ADPRHL1: variants seen among roughly 807,000 people sequenced by gnomAD.
ADPRHL1 encodes the protein inactive ADP-ribosyltransferase ARH2.
Under a neutral mutation model 44.1 loss-of-function variants are expected in ADPRHL1, and 43 were observed. That is an observed-to-expected ratio of 0.98 (90% CI 0.76 to 1.26). The LOEUF is 1.26. Ranked by LOEUF, ADPRHL1 falls within the 50% of genes most tolerant of loss-of-function variation. The pLI, the probability that ADPRHL1 is intolerant of heterozygous loss-of-function variation, is 0.00. For missense variants in ADPRHL1, 2,022 were observed against 2,496.9 expected (o/e 0.81, Z 4.05); for synonymous variants, 878 against 1,017.4 (o/e 0.86, Z 2.61).
intron 5 of ADPRHL1, 129 bp downstream of exon 5, chr13:113,424,923 A>AATCCATCTATCC (rs139207906): frequency 8.9e-7 from 1 of 1,125,980 alleles, no homozygotes; most frequent in Non-Finnish European, 1.2e-6. Context: ...CATCATCCAA[A>AATCCATCTATCC]ATCCATCTAT....
In ADPRHL1 at chr13:113,406,087, C is replaced by T. The variant is rs1029215734; in HGVS notation, c.3195G>A (p.Ala1065=). ...GCAGCGGCCTTCTGCATTCCTCCAG[C>T]GCACCGGGCACTGTCATGCCCATCG... ...VTPMGMTVPG[A]LEECRRPLLI... The change falls in exon 8 of 8, where the codon GCG becomes GCA. Residue 1065 remains alanine, a synonymous_variant. Transcript: ENST00000612156. 53 of 1,232,076 alleles carry T rather than the reference C, an allele frequency of 4.3e-5. No homozygotes were observed. In the African/African-American group the frequency reaches 4.7e-4, roughly 11 times the overall value. 76.3% of individuals were successfully genotyped at this position (1,232,076 alleles called of 1,614,324 possible). A position where few individuals can be genotyped will look rare whatever the true frequency, so the allele number is the denominator to read the frequency against.
chr13:113,427,270 C>T (rs1239253473), intron 4 of ADPRHL1, among the ~76,000 whole-genome samples: 1 of 152,244 alleles, frequency 6.6e-6, no homozygotes, highest in Non-Finnish European at 1.5e-5. Context: ...CGTTAATATA[C>T]TGTGAATTCA....
intron 3 of ADPRHL1, among the ~76,000 whole-genome samples, chr13:113,432,564 T>C (rs2044014591): frequency 6.6e-6 from 1 of 152,232 alleles, no homozygotes; most frequent in Admixed American, 6.5e-5. Flanking sequence ...CCCTCTTTCA[T>C]TTTAACGAGT....
At chr13:113,446,524 C>T (rs553854336) in intron 1 of ADPRHL1, among the ~76,000 whole-genome samples, 9 of 151,112 alleles carry the variant, frequency 6.0e-5, no homozygotes, top group Non-Finnish European at 8.9e-5. Flanking sequence ...CATATGGGCA[C>T]GGCGTTGTCT....
At chr13:113,431,877 A>G (rs538372624) in intron 3 of ADPRHL1, among the ~76,000 whole-genome samples, 1 of 152,056 alleles carries the variant, frequency 6.6e-6, no homozygotes, top group African/African-American at 2.4e-5. Context: ...CACCGTGCCC[A>G]GCTAATTTTT....
chr13:113,450,616 C>T (rs922943845), intron 1 of ADPRHL1, among the ~76,000 whole-genome samples: 11 of 152,162 alleles, frequency 7.2e-5, no homozygotes, highest in African/African-American at 1.9e-4. Flanking sequence ...ATGTGGGTCA[C>T]GTGTCCACTG....
At chr13:113,448,874 AGCC>A in intron 1 of ADPRHL1, 1 of 892,804 alleles carries the variant, frequency 1.1e-6, no homozygotes, top group African/African-American at 1.8e-5. Context: ...CTGGGAGGGA[AGCC>A]ACTTCCCCAG....
intron 1 of ADPRHL1, among the ~76,000 whole-genome samples, chr13:113,446,891 T>A (rs537880168): frequency 7.2e-6 from 1 of 138,654 alleles, no homozygotes; most frequent in African/African-American, 2.8e-5. Flanking sequence ...GTGTCTACAG[T>A]CACGGTGTTG....
At chr13:113,416,003 C>CG (rs1349971798) in intron 7 of ADPRHL1, among the ~76,000 whole-genome samples, 1 of 151,892 alleles carries the variant, frequency 6.6e-6, no homozygotes, top group Non-Finnish European at 1.5e-5. Context: ...GCCAGGGGCC[C>CG]GGCTGGGATC....
intron 3 of ADPRHL1, 74 bp downstream of exon 3, chr13:113,433,668 A>T: frequency 7.2e-7 from 1 of 1,395,768 alleles, no homozygotes; most frequent in Non-Finnish European, 9.4e-7. Context: ...CCCCACACTT[A>T]ACCTGTGAGG....
In ADPRHL1 at chr13:113,401,625, GC is replaced by G; in HGVS notation, c.*1752del. ...CACGGACCCCTGATTTATAGAGGAG[GC>G]CCCGGGGGCCCTGTCGGGGGAGCTG... On this transcript the variant is annotated 3_prime_UTR_variant, in exon 8 of 8. Coordinates refer to ENST00000612156, the MANE Select transcript of ADPRHL1 (RefSeq NM_001394807.1). The surrounding 1 kb of genome is among the most constrained non-coding windows in gnomAD (Gnocchi z 5.5). The G allele has an allele frequency of 6.6e-6, 1 of 152,464 alleles. No individual in the cohort carries two copies. The highest frequency in any genetic ancestry group is 1.5e-5 in the Non-Finnish European group (1 of 68,206). 9.4% of individuals were successfully genotyped at this position (152,464 alleles called of 1,614,324 possible).
chr13:113,405,153 G>A lies in ADPRHL1; in HGVS notation c.4129C>T (p.Leu1377=). 8.1e-7 allele frequency: 1 copy of A among 1,231,996 alleles called. No individual in the cohort carries two copies. Among genetic ancestry groups the A allele is most frequent in the South Asian group, 4.1e-5 (1 of 24,336 alleles). 76.3% of individuals were successfully genotyped at this position (1,231,996 alleles called of 1,614,324 possible). Residue 1377 remains leucine, a synonymous_variant, in exon 8 of 8, where the codon CTG becomes TTG. Coordinates refer to ENST00000612156, the MANE Select transcript of ADPRHL1 (RefSeq NM_001394807.1). ...GCCTGGTGACTCTGTTGCCTCCCCAGGTCCGCCTGTGTCAGGGGACGCTCC... is the reference window on the plus strand; with the variant it reads ...GCCTGGTGACTCTGTTGCCTCCCCAAGTCCGCCTGTGTCAGGGGACGCTCC... The part of the protein sequence containing the change: ...SQERPLTQAD[L]GRQQSHQAQE...
intron 2 of ADPRHL1, among the ~76,000 whole-genome samples, chr13:113,437,392 G>T (rs1595552623): frequency 6.6e-6 from 1 of 152,124 alleles, no homozygotes; most frequent in African/African-American, 2.4e-5. Context: ...GGTGAACACA[G>T]GTGTACCCCG....
rs143622057 is a variant in ADPRHL1, at chr13:113,424,230, G to A, written c.894C>T (p.Ala298=). The A allele has an allele frequency of 2.4e-4, 386 of 1,612,804 alleles. No individual in the cohort carries two copies. The African/African-American group carries it at 4.4e-3, about 18-fold the overall frequency. ...GGAACATCTCACCTCCATGAAACAT[G>A]GCCCGGTGACACAGCTCAGTCCAGC... ...GNSWTELCHR[A]MFHGGESAAT... is the part of the protein sequence containing the mutation. Residue 298 remains alanine, a synonymous_variant, in exon 6 of 8, where the codon GCC becomes GCT. Coordinates refer to ENST00000612156, the MANE Select transcript of ADPRHL1 (RefSeq NM_001394807.1).
In ADPRHL1 at chr13:113,407,264, C is replaced by A; in HGVS notation, c.2018G>T (p.Gly673Val). The change falls in exon 8 of 8, where the codon GGG becomes GTG. Residue 673 changes from glycine (G) to valine (V), a missense_variant. Gly to Val is a moderately radical substitution (Grantham distance 109). Coordinates refer to ENST00000612156, the MANE Select transcript of ADPRHL1 (RefSeq NM_001394807.1). Reference protein sequence around the residue: ...GPSGNKAVGKGPLEEEPQRQP... With the variant: ...GPSGNKAVGKVPLEEEPQRQP... ...TCTTTGGGGCTCCTCCTCCAGGGGCCCCTTTCCCACTGCTTTGTTCCCACT... is the reference window on the plus strand; with the variant it reads ...TCTTTGGGGCTCCTCCTCCAGGGGCACCTTTCCCACTGCTTTGTTCCCACT... 8.1e-7 allele frequency: 1 copy of A among 1,232,102 alleles called. No individual in the cohort carries two copies. Among genetic ancestry groups the A allele is most frequent in the Middle Eastern group, 3.1e-4 (1 of 3,210 alleles). 76.3% of individuals were successfully genotyped at this position (1,232,102 alleles called of 1,614,324 possible).
At chr13:113,417,571 C>T (rs2043893134) in intron 7 of ADPRHL1, among the ~76,000 whole-genome samples, 1 of 152,254 alleles carries the variant, frequency 6.6e-6, no homozygotes, top group African/African-American at 2.4e-5. Context: ...CTATCCCTGC[C>T]TTTGTCTGTC....
chr13:113,433,114 C>A (rs962039838), intron 3 of ADPRHL1, among the ~76,000 whole-genome samples: 2 of 152,170 alleles, frequency 1.3e-5, no homozygotes, highest in Non-Finnish European at 2.9e-5. Flanking sequence ...CCCGCTTCAC[C>A]CTCACACAGC....
intron 1 of ADPRHL1, among the ~76,000 whole-genome samples, chr13:113,448,354 C>A (rs1258564203): frequency 6.6e-6 from 1 of 150,528 alleles, no homozygotes. Context: ...TTAGCCCAGC[C>A]TCTCAGGAGG....
intron 7 of ADPRHL1, among the ~76,000 whole-genome samples, chr13:113,415,490 T>C (rs528468778): frequency 6.3e-4 from 96 of 152,304 alleles, no homozygotes; most frequent in African/African-American, 2.0e-3. Flanking sequence ...CGGTGGCTCA[T>C]GCCTGTAATC....
Sources: allele counts gnomAD v4.1 joint callset (sites outside exome capture counted in the v4.1 genomes callset), GRCh38; gene constraint gnomAD v4.1.1; non-coding constraint Gnocchi (gnomAD v3.1); transcripts MANE v1.5; gene names NCBI Gene and HGNC (gene_info 2026-07-23, HGNC 2026-07-21).